Variants in NPTXR observed in about 807,000 individuals in gnomAD.
NPTXR encodes neuronal pentraxin receptor.
Under a neutral mutation model 32.2 loss-of-function variants are expected in NPTXR, and 12 were observed. The observed-to-expected ratio is 0.37, with a 90% CI of 0.24 to 0.60. The LOEUF (loss-of-function observed/expected upper bound fraction) is 0.60. Among genes scored for constraint, NPTXR ranks in the 20% least tolerant of loss-of-function variants. The pLI, the probability that NPTXR is intolerant of heterozygous loss-of-function variation, is 0.66. For synonymous variants in NPTXR, 323 were observed against 315.8 expected (o/e 1.02, Z -0.24); for missense variants, 612 against 682.9 (o/e 0.90, Z 1.16).
chr22:38,835,056 T>C (rs902704954), intron 1 of NPTXR, among the ~76,000 whole-genome samples: 1 of 152,188 alleles, frequency 6.6e-6, no homozygotes, highest in Non-Finnish European at 1.5e-5. Context: ...GAGATAGTAA[T>C]AGTACCATAG....
intron 1 of NPTXR, among the ~76,000 whole-genome samples, chr22:38,837,933 G>A (rs1454638006): frequency 6.7e-6 from 1 of 149,738 alleles, no homozygotes; most frequent in Non-Finnish European, 1.5e-5. Flanking sequence ...TTGGCTCACT[G>A]CAACCTCTGC....
At chr22:38,827,042 G>A (rs1184788445) in intron 2 of NPTXR, among the ~76,000 whole-genome samples, 5 of 152,134 alleles carry the variant, frequency 3.3e-5, no homozygotes, top group Non-Finnish European at 7.4e-5. Context: ...GCAGGGCTGA[G>A]GAGGGCTGGA....
At position 38,839,235 on chromosome 22, in the gene NPTXR, C is replaced by T. The variant is rs546186883; in HGVS notation, c.624+4000G>A. On this transcript the variant is annotated intron_variant, in intron 1 of 4. Coordinates refer to ENST00000333039, the MANE Select transcript of NPTXR (RefSeq NM_014293.4). ...TGCTGTTGAAATTAATCTTGAAGTT[C>T]CGTTGTATACATACATTAAATTAGC... Among the ~76,000 whole-genome samples, 6 of 152,334 alleles carry T rather than the reference C, an allele frequency of 3.9e-5. No homozygotes were observed. The South Asian group carries it at 1.2e-3, about 32-fold the overall frequency.
rs118189633 is a variant in NPTXR, at chr22:38,835,842, A to G, written c.625-7330T>C. ...TGAAACAAGGGCTGTGGAAGCACAT[A>G]AGTGCTCCCACCTTGGGTTGGTTGC... On this transcript the variant is annotated intron_variant, in intron 1 of 4. Transcript: ENST00000333039. Among the ~76,000 whole-genome samples the G allele has an allele frequency of 7.1e-3, 1,082 of 152,170 alleles. 8 individuals are homozygous for G. Among genetic ancestry groups the G allele is most frequent in the Non-Finnish European group, 0.012 (789 of 68,002 alleles).
rs1603246735 is a variant in NPTXR, at chr22:38,839,409, C to T, written c.624+3826G>A. 3.3e-5 allele frequency among the ~76,000 whole-genome samples: 5 copies of T among 152,346 alleles called. 1 individual carries two copies. Among genetic ancestry groups the T allele is most frequent in the Admixed American group, 3.3e-4 (5 of 15,300 alleles). On this transcript the variant is annotated intron_variant, in intron 1 of 4. Transcript: ENST00000333039. The stretch of plus-strand genomic sequence containing the variant: ...CCTGTAATCCCAGCACTTTGGGAGG[C>T]TGAGGTGGGCGGATCACCTGAGGTC...
intron 1 of NPTXR, among the ~76,000 whole-genome samples, chr22:38,830,891 C>CCA: frequency 6.6e-6 from 1 of 152,304 alleles, no homozygotes; most frequent in East Asian, 1.9e-4. Flanking sequence ...CCACCCCCCC[C>CCA]ACCTCTTGTG....
At chr22:38,823,285 C>T in intron 3 of NPTXR, 23 bp from the exon 4 acceptor site, 1 of 1,605,150 alleles carries the variant, frequency 6.2e-7, no homozygotes, top group Non-Finnish European at 8.5e-7. Flanking sequence ...CCCCCAACCC[C>T]AGGTCAGAGG....
At chr22:38,840,309 A>G (rs1262129197) in intron 1 of NPTXR, among the ~76,000 whole-genome samples, 1 of 152,082 alleles carries the variant, frequency 6.6e-6, no homozygotes. Flanking sequence ...GTGGAGCAGG[A>G]ATGTGCTGGG....
rs1172080345 is a variant in NPTXR, at chr22:38,822,685, TC to T, written c.1426del (p.Glu476LysfsTer136). ...CCCAAAGGCCTCCACCAACTTGTCT[TC>T]CCAGGGAAGGACGTTGCCCAGCAGT... On this transcript the variant is annotated frameshift_variant, in exon 5 of 5. Transcript: ENST00000333039. LOFTEE classifies it high-confidence loss of function. 1 of 1,614,004 alleles carries T rather than the reference TC, an allele frequency of 6.2e-7. No homozygotes were observed.
chr22:38,819,395 G>T lies in NPTXR; in HGVS notation c.*3214C>A, dbSNP rs2093093068. 6.6e-6 allele frequency: 1 copy of T among 152,584 alleles called. No individual in the cohort carries two copies. The highest frequency in any genetic ancestry group is 1.5e-5 in the Non-Finnish European group (1 of 68,312). 9.5% of individuals were successfully genotyped at this position (152,584 alleles called of 1,614,324 possible). A position where few individuals can be genotyped will look rare whatever the true frequency, so the allele number is the denominator to read the frequency against. On this transcript the variant is annotated 3_prime_UTR_variant, in exon 5 of 5. Transcript: ENST00000333039. ...GCTTCACCAAGGGGACCCTGGCCCTGGGGCTGGCCCACCCCCTGCCTCTGT... is the reference window on the plus strand; with the variant it reads ...GCTTCACCAAGGGGACCCTGGCCCTTGGGCTGGCCCACCCCCTGCCTCTGT...
Position 38,834,052 on chromosome 22 carries a change from A to G in NPTXR, c.625-5540T>C, listed in dbSNP as rs1046230580. 5.9e-5 allele frequency among the ~76,000 whole-genome samples: 9 copies of G among 151,852 alleles called. No individual in the cohort carries two copies. The highest frequency in any genetic ancestry group is 1.2e-4 in the Non-Finnish European group (8 of 68,004). ...AACAGGAAAACAATCCTAAAGTGGCATCTCTAGTGGTTGAATCTAACCCTG... is the reference window on the plus strand; with the variant it reads ...AACAGGAAAACAATCCTAAAGTGGCGTCTCTAGTGGTTGAATCTAACCCTG... On this transcript the variant is annotated intron_variant, in intron 1 of 4. Transcript: ENST00000333039. This position sits in a 1 kb window ranked among gnomAD's most constrained non-coding sequence, Gnocchi z 4.4.
intron 2 of NPTXR, among the ~76,000 whole-genome samples, 154 bp from the exon 3 acceptor site, chr22:38,826,901 G>A (rs2093108051): frequency 6.6e-6 from 1 of 152,218 alleles, no homozygotes; most frequent in Non-Finnish European, 1.5e-5. Flanking sequence ...TCTGTGTTGA[G>A]GGGTGTGATT....
rs2146197303 is a variant in NPTXR, at chr22:38,834,852, A to C, written c.625-6340T>G. Among the ~76,000 whole-genome samples the C allele has an allele frequency of 6.6e-6, 1 of 152,292 alleles. No individual in the cohort carries two copies. Among genetic ancestry groups the C allele is most frequent in the South Asian group, 2.1e-4 (1 of 4,828 alleles). ...ATGATAAAATGAAAGAACAGATATG[A>C]AGTGTGGTCAACCATAAGAGGCAGT... On this transcript the variant is annotated intron_variant, in intron 1 of 4. Coordinates refer to ENST00000333039, the MANE Select transcript of NPTXR (RefSeq NM_014293.4). The surrounding 1 kb of genome is among the most constrained non-coding windows in gnomAD (Gnocchi z 4.4).
At chr22:38,831,014 C>T (rs763426682) in intron 1 of NPTXR, among the ~76,000 whole-genome samples, 5 of 152,236 alleles carry the variant, frequency 3.3e-5, no homozygotes, top group Admixed American at 6.5e-5. Flanking sequence ...GTGCACTCCC[C>T]GCTTACATTC....
rs1244526016 is a variant in NPTXR at position 38,826,618 on chromosome 22, G to T, written c.980C>A (p.Ser327Tyr). The change falls in exon 3 of 5, where the codon TCC (serine) becomes TAC (tyrosine). Residue 327 changes from serine (S) to tyrosine (Y), a missense_variant. Coordinates refer to ENST00000333039, the MANE Select transcript of NPTXR (RefSeq NM_014293.4). ...GCCCTGGCCGGTGCCGCTGGACCTGGACCGCAGCCACATGCAGGCGGTGAA... is the reference window on the plus strand; with the variant it reads ...GCCCTGGCCGGTGCCGCTGGACCTGTACCGCAGCCACATGCAGGCGGTGAA... The T allele has an allele frequency of 6.2e-7, 1 of 1,614,168 alleles. No individual in the cohort carries two copies. Among genetic ancestry groups the T allele is most frequent in the East Asian group, 2.2e-5 (1 of 44,898 alleles).
At chr22:38,842,571 CG>C (rs1008176227) in intron 1 of NPTXR, among the ~76,000 whole-genome samples, 1 of 152,112 alleles carries the variant, frequency 6.6e-6, no homozygotes, top group Non-Finnish European at 1.5e-5. Flanking sequence ...AGGAGGAGCT[CG>C]GGGGGCCCTG....
Position 38,838,644 on chromosome 22 carries a change from A to C in NPTXR, c.624+4591T>G, listed in dbSNP as rs546320992. On this transcript the variant is annotated intron_variant, in intron 1 of 4. Coordinates refer to ENST00000333039, the MANE Select transcript of NPTXR (RefSeq NM_014293.4). ...TCGCCCAGGCTGGAGTGCAGTGGCA[A>C]GATCTCGGCTCACTGCAAGCTCCGC... Among the ~76,000 whole-genome samples the C allele has an allele frequency of 2.7e-5, 4 of 147,310 alleles. No individual in the cohort carries two copies. The East Asian group carries it at 6.0e-4, about 22-fold the overall frequency.
At chr22:38,825,331 C>T (rs1392547184) in intron 3 of NPTXR, among the ~76,000 whole-genome samples, 1 of 152,088 alleles carries the variant, frequency 6.6e-6, no homozygotes, top group Non-Finnish European at 1.5e-5. Context: ...GGCCAGGGTG[C>T]ATTACTTCCC....
chr22:38,842,830 G>A (rs2093133543), intron 1 of NPTXR, among the ~76,000 whole-genome samples: 1 of 152,232 alleles, frequency 6.6e-6, no homozygotes. Context: ...TGAGCGTGGA[G>A]CTGGGCTGAT....
Sources: gnomAD v4.1 joint callset for allele counts (sites outside exome capture counted in the v4.1 genomes callset) on GRCh38, gnomAD v4.1.1 for gene constraint, Gnocchi (gnomAD v3.1) non-coding constraint, MANE v1.5 for transcripts, NCBI Gene and HGNC (gene_info 2026-07-23, HGNC 2026-07-21) for gene names.